Variants in PSPH observed in about 807,000 individuals in gnomAD.
PSPH encodes L-3-phosphoserine phosphatase.
PSPH carries 16 observed loss-of-function variants against 23.4 expected under a neutral mutation model. The ratio of observed to expected loss-of-function variants is 0.68; its 90% CI spans 0.46 to 1.04. PSPH has a LOEUF of 1.04. Ranked by LOEUF, PSPH falls within the 50% of genes least tolerant of loss-of-function variation. The probability of loss-of-function intolerance (pLI) is 0.00; values close to 1 mark genes in which losing one functional copy is unlikely to be tolerated. For missense variants in PSPH, 223 were observed against 273.7 expected (o/e 0.81, Z 1.31); for synonymous variants, 68 against 99.7 (o/e 0.68, Z 1.89).
rs1787881061 is a variant in PSPH at position 56,011,220 on chromosome 7, T to G, written c.*542A>C. On this transcript the variant is annotated 3_prime_UTR_variant, in exon 8 of 8. Coordinates refer to ENST00000275605, the MANE Select transcript of PSPH (RefSeq NM_004577.4). ...TATAGCTACAAATATACATAAAGAA[T>G]TCAGATCACAAAACTCTCTAGGACA... is the stretch of plus-strand genomic sequence containing the variant. The G allele has an allele frequency of 6.5e-6, 1 of 152,724 alleles. No individual in the cohort carries two copies. Among genetic ancestry groups the G allele is most frequent in the Non-Finnish European group, 1.5e-5 (1 of 68,174 alleles). The allele number at this position is 152,724 out of a possible 1,614,324, so 9.5% of individuals were successfully genotyped here.
At chr7:56,016,340 G>A (rs1293047700) in intron 6 of PSPH, among the ~76,000 whole-genome samples, 9 of 144,722 alleles carry the variant, frequency 6.2e-5, no homozygotes, top group Admixed American at 2.9e-4. Flanking sequence ...GGAGGCAGAG[G>A]TTGCAGTGAG....
chr7:56,017,115 C>G lies in PSPH; in HGVS notation c.421+119G>C. 2.0e-6 allele frequency: 3 copies of G among 1,517,794 alleles called. No individual in the cohort carries two copies. In the South Asian group the frequency reaches 3.6e-5, roughly 18 times the overall value. The allele number at this position is 1,517,794 out of a possible 1,614,324, so 94.0% of individuals were successfully genotyped here. A position where few individuals can be genotyped will look rare whatever the true frequency, so the allele number is the denominator to read the frequency against. On this transcript the variant is annotated intron_variant, in intron 6 of 7. Transcript: ENST00000275605. ...GGGCAAAAGACATCAATTAAGAGAA[C>G]CATTCATCTCAATATTTAACTCTGA... is the stretch of plus-strand genomic sequence containing the variant.
intron 2 of PSPH, among the ~76,000 whole-genome samples, chr7:56,032,448 C>CAGG (rs1203362073): frequency 1.3e-5 from 2 of 151,604 alleles, no homozygotes; most frequent in East Asian, 1.9e-4. Context: ...ATCACGAGGT[C>CAGG]AGATCAGGAC....
chr7:56,036,610 C>T (rs1473006234), intron 1 of PSPH, among the ~76,000 whole-genome samples: 3 of 151,434 alleles, frequency 2.0e-5, no homozygotes, highest in African/African-American at 7.3e-5. Flanking sequence ...GTCTGGGTAA[C>T]AGAGCAAGCC....
intron 3 of PSPH, among the ~76,000 whole-genome samples, chr7:56,029,299 A>T (rs1026817789): frequency 6.6e-6 from 1 of 152,028 alleles, no homozygotes; most frequent in Non-Finnish European, 1.5e-5. Flanking sequence ...GATTCTTCGT[A>T]TTTGGCTCTA....
intron 3 of PSPH, among the ~76,000 whole-genome samples, chr7:56,030,374 T>C (rs1790798150): frequency 6.6e-6 from 1 of 151,606 alleles, no homozygotes; most frequent in Non-Finnish European, 1.5e-5. Context: ...CCTCCCAAAG[T>C]GCTGGGAGCT....
intron 3 of PSPH, among the ~76,000 whole-genome samples, chr7:56,024,326 C>A (rs922729584): frequency 1.3e-5 from 2 of 151,244 alleles, no homozygotes; most frequent in Admixed American, 6.6e-5. Flanking sequence ...AACCTTCCAT[C>A]ATGGCCTCTT....
chr7:56,029,646 T>C (rs1051773402), intron 3 of PSPH, among the ~76,000 whole-genome samples: 2 of 152,204 alleles, frequency 1.3e-5, no homozygotes, highest in African/African-American at 2.4e-5. Flanking sequence ...CTTTCCCAAC[T>C]TCTCAATCTC....
intron 1 of PSPH, among the ~76,000 whole-genome samples, chr7:56,049,485 C>A (rs1050256119): frequency 2.6e-5 from 4 of 152,178 alleles, no homozygotes; most frequent in African/African-American, 4.8e-5. Flanking sequence ...GTTGCCCAGG[C>A]TGGAGTGCAG....
Position 56,015,112 on chromosome 7 carries a change from CT to C in PSPH, c.480del (p.Val161Ter). 1.2e-6 allele frequency: 2 copies of C among 1,614,056 alleles called. No homozygotes were observed. Among genetic ancestry groups the C allele is most frequent in the Non-Finnish European group, 1.7e-6 (2 of 1,179,986 alleles). On this transcript the variant is annotated frameshift_variant, in exon 7 of 8. Transcript: ENST00000275605. LOFTEE classifies it high-confidence loss of function. Reference protein sequence around the residue: ...QPTAESGGKGKVIKLLKEKFH... With the variant: ...QPTAESGGKGXVIKLLKEKFH... ...AATTTTTCCTTTAAAAGTTTAATCA[CT>C]TTTCCTTTTCCACCAGATTCAGCTG...
At chr7:56,013,057 GTA>G (rs1195126220) in intron 7 of PSPH, among the ~76,000 whole-genome samples, 1 of 76,732 alleles carries the variant, frequency 1.3e-5, no homozygotes, top group Non-Finnish European at 3.0e-5. Flanking sequence ...ACACATATAT[GTA>G]TATGTGTATG....
chr7:56,050,172 C>T (rs910487138), intron 1 of PSPH, among the ~76,000 whole-genome samples: 3 of 152,180 alleles, frequency 2.0e-5, no homozygotes, highest in Admixed American at 1.3e-4. Flanking sequence ...CTCAAATACA[C>T]AAACCCACCT....
At chr7:56,047,866 C>T (rs1471211106) in intron 1 of PSPH, among the ~76,000 whole-genome samples, 1 of 152,100 alleles carries the variant, frequency 6.6e-6, no homozygotes. Flanking sequence ...CGGTGTTGCA[C>T]CATGTTGGCC....
At chr7:56,025,883 C>T (rs1790119647) in intron 3 of PSPH, among the ~76,000 whole-genome samples, 1 of 152,202 alleles carries the variant, frequency 6.6e-6, no homozygotes, top group Non-Finnish European at 1.5e-5. Context: ...GCATGAGCCA[C>T]CGCACCCGGC....
At chr7:56,026,099 A>G (rs1199460110) in intron 3 of PSPH, among the ~76,000 whole-genome samples, 1 of 152,190 alleles carries the variant, frequency 6.6e-6, no homozygotes, top group Non-Finnish European at 1.5e-5. Flanking sequence ...CTCTGCACCC[A>G]GCACCCAATA....
intron 1 of PSPH, among the ~76,000 whole-genome samples, chr7:56,037,562 G>T (rs137997047): frequency 9.7e-4 from 148 of 152,128 alleles, no homozygotes; most frequent in Non-Finnish European, 1.5e-3. Flanking sequence ...TGGACCACAG[G>T]TGTGTGCCAC....
intron 1 of PSPH, among the ~76,000 whole-genome samples, chr7:56,050,249 G>C (rs1319818324): frequency 1.3e-5 from 2 of 151,994 alleles, no homozygotes; most frequent in African/African-American, 2.4e-5. Flanking sequence ...TTAAACATCA[G>C]TCAGTAGGTG....
chr7:56,049,365 G>A (rs952997835), intron 1 of PSPH, among the ~76,000 whole-genome samples: 1 of 152,102 alleles, frequency 6.6e-6, no homozygotes, highest in Non-Finnish European at 1.5e-5. Context: ...TCAAAAGTGA[G>A]AACTTCTTAT....
chr7:56,014,394 C>T (rs1788319882), intron 7 of PSPH, among the ~76,000 whole-genome samples: 1 of 152,146 alleles, frequency 6.6e-6, no homozygotes, highest in South Asian at 2.1e-4. Flanking sequence ...CTTGGGTTTG[C>T]ACAAAGTTGA....
Sources: allele counts gnomAD v4.1 joint callset (sites outside exome capture counted in the v4.1 genomes callset), GRCh38; gene constraint gnomAD v4.1.1; transcripts MANE v1.5; gene names NCBI Gene and HGNC (gene_info 2026-07-23, HGNC 2026-07-21).